Variants in ZFYVE9 observed in about 807,000 individuals in gnomAD.
The protein encoded by ZFYVE9 is zinc finger FYVE domain-containing protein 9.
In ZFYVE9, 43 loss-of-function variants were observed where a neutral mutation model predicts 126.7. The observed-to-expected ratio is 0.34, with a 90% CI of 0.27 to 0.44. The LOEUF (loss-of-function observed/expected upper bound fraction) is 0.44. Ranked by LOEUF, ZFYVE9 falls within the 20% of genes least tolerant of loss-of-function variation. ZFYVE9 has a pLI of 1.00. For missense variants in ZFYVE9, 1,476 were observed against 1,697.0 expected, an observed-to-expected ratio of 0.87 and a Z score of 2.29; for synonymous variants, 521 against 597.4, an observed-to-expected ratio of 0.87 and a Z score of 1.87.
intron 13 of ZFYVE9, among the ~76,000 whole-genome samples, chr1:52,326,746 G>C (rs147632753): frequency 6.7e-6 from 1 of 149,232 alleles, no homozygotes. Flanking sequence ...GCCTGTGCCT[G>C]TAATCCCAGC....
chr1:52,248,547 A>G (rs1385193832), intron 4 of ZFYVE9, among the ~76,000 whole-genome samples: 3 of 152,138 alleles, frequency 2.0e-5, no homozygotes, highest in Non-Finnish European at 1.5e-5. Flanking sequence ...GCATTCCTCA[A>G]TCCAGTCAAG....
chr1:52,291,006 G>A (rs1645914321), intron 10 of ZFYVE9, among the ~76,000 whole-genome samples: 1 of 151,950 alleles, frequency 6.6e-6, no homozygotes, highest in Non-Finnish European at 1.5e-5. Context: ...CATATCTCTG[G>A]GACTCCAAAA....
At chr1:52,235,701 G>A (rs1383262575) in intron 3 of ZFYVE9, among the ~76,000 whole-genome samples, 1 of 151,940 alleles carries the variant, frequency 6.6e-6, no homozygotes, top group Non-Finnish European at 1.5e-5. Context: ...TCTTATATTT[G>A]GGGATATGCT....
chr1:52,334,157 A>G (rs1440231282), intron 14 of ZFYVE9, among the ~76,000 whole-genome samples: 1 of 152,118 alleles, frequency 6.6e-6, no homozygotes, highest in African/African-American at 2.4e-5. Flanking sequence ...TTCAGAATAT[A>G]TTTGATCTAA....
At chr1:52,217,278 G>T (rs1266748821) in intron 2 of ZFYVE9, among the ~76,000 whole-genome samples, 1 of 151,876 alleles carries the variant, frequency 6.6e-6, no homozygotes, top group Non-Finnish European at 1.5e-5. Flanking sequence ...TCCAAACAGG[G>T]TAAATGTGAG....
intron 4 of ZFYVE9, chr1:52,252,750 G>T: frequency 6.4e-6 from 3 of 467,472 alleles, no homozygotes; most frequent in South Asian, 3.3e-5. Flanking sequence ...TGGTCAGTCC[G>T]ACTGCTACCA....
At chr1:52,189,271 C>T (rs1644795200) in intron 1 of ZFYVE9, among the ~76,000 whole-genome samples, 1 of 143,316 alleles carries the variant, frequency 7.0e-6, no homozygotes, top group Non-Finnish European at 1.5e-5. Context: ...GGATCTCACT[C>T]TGTTACCCAG....
intron 13 of ZFYVE9, among the ~76,000 whole-genome samples, chr1:52,320,002 G>A (rs1646223525): frequency 1.5e-5 from 2 of 129,342 alleles, no homozygotes; most frequent in African/African-American, 2.8e-5. Flanking sequence ...ACAGAGAGGG[G>A]GAGATTCTGT....
intron 1 of ZFYVE9, among the ~76,000 whole-genome samples, chr1:52,198,200 C>T (rs910243883): frequency 7.6e-6 from 1 of 131,526 alleles, no homozygotes. Context: ...CGGCTCACTA[C>T]AACCTCTGCC....
rs201220491 is a variant in ZFYVE9 at position 52,284,954 on chromosome 1, A to T, written c.3025+3138A>T. On this transcript the variant is annotated intron_variant, in intron 10 of 18. Coordinates refer to ENST00000287727, the MANE Select transcript of ZFYVE9 (RefSeq NM_004799.4). Reference sequence around the variant, plus strand: ...ACATTTCAAAAGCATAAGTGAGACGAAAGAGTTTTTCCTTGAATAGGAATC... The same window carrying T: ...ACATTTCAAAAGCATAAGTGAGACGTAAGAGTTTTTCCTTGAATAGGAATC... Among the ~76,000 whole-genome samples, 591 of 152,350 alleles carry T rather than the reference A, an allele frequency of 3.9e-3. 10 individuals are homozygous for T. The South Asian group carries it at 0.043, about 11-fold the overall frequency.
intron 4 of ZFYVE9, among the ~76,000 whole-genome samples, chr1:52,258,897 T>C (rs1279306538): frequency 6.8e-5 from 10 of 147,956 alleles, no homozygotes; most frequent in East Asian, 2.0e-4. Context: ...CTTGCTTGCT[T>C]TTTTTTTTTT....
chr1:52,299,051 G>T (rs1022549961), intron 12 of ZFYVE9, among the ~76,000 whole-genome samples: 1 of 151,722 alleles, frequency 6.6e-6, no homozygotes, highest in South Asian at 2.1e-4. Context: ...CTCATGATCC[G>T]CCCGCCTCTG....
intron 11 of ZFYVE9, among the ~76,000 whole-genome samples, chr1:52,295,065 G>A (rs1645959623): frequency 6.6e-6 from 1 of 152,130 alleles, no homozygotes; most frequent in African/African-American, 2.4e-5. Context: ...AAAATTAGCT[G>A]GGTATGGTGG....
rs746160726 is a variant in ZFYVE9 at position 52,238,956 on chromosome 1, A to G, written c.1539A>G (p.Ser513=). 69 of 1,614,030 alleles carry G rather than the reference A, an allele frequency of 4.3e-5. No homozygotes were observed. The highest frequency in any genetic ancestry group is 3.3e-4 in the Middle Eastern group (2 of 6,084). Residue 513 remains serine, a synonymous_variant, in exon 4 of 19, where the codon TCA becomes TCG. Transcript: ENST00000287727. The part of the protein sequence containing the change: ...TEEKEIEESK[S]ECYSNIYEQR... ...AAAAAGAAATAGAGGAAAGCAAGTC[A>G]GAATGCTACTCAAATATTTATGAAC... is the stretch of plus-strand genomic sequence containing the variant.
chr1:52,312,905 G>C (rs1001538472), intron 13 of ZFYVE9, among the ~76,000 whole-genome samples: 2 of 152,208 alleles, frequency 1.3e-5, no homozygotes, highest in African/African-American at 4.8e-5. Context: ...TATTTGGAGA[G>C]AGGGTCTTTA....
intron 12 of ZFYVE9, among the ~76,000 whole-genome samples, chr1:52,298,052 C>T (rs1168126715): frequency 6.6e-6 from 1 of 152,152 alleles, no homozygotes; most frequent in Non-Finnish European, 1.5e-5. Flanking sequence ...TGGATATTAA[C>T]TCCTTTTCAG....
At chr1:52,272,280 A>G (rs576432495) in intron 7 of ZFYVE9, among the ~76,000 whole-genome samples, 2 of 152,388 alleles carry the variant, frequency 1.3e-5, no homozygotes, top group East Asian at 3.9e-4. Context: ...ATACACACAC[A>G]AACACACACA....
At chr1:52,226,310 C>T (rs1048710089) in intron 2 of ZFYVE9, among the ~76,000 whole-genome samples, 1 of 152,170 alleles carries the variant, frequency 6.6e-6, no homozygotes, top group Non-Finnish European at 1.5e-5. Context: ...CTCGACTTCA[C>T]AGACTGCTCT....
At position 52,264,980 on chromosome 1, in the gene ZFYVE9, A is replaced by G. The variant is rs563258446; in HGVS notation, c.2278+1108A>G. On this transcript the variant is annotated intron_variant, in intron 5 of 18. Transcript: ENST00000287727. ...CTGCTGCTTTCATTTTCGGGCACAT[A>G]TTCACAGATAAGAGCATGCTGCTTA... Among the ~76,000 whole-genome samples, 5 of 152,354 alleles carry G rather than the reference A, an allele frequency of 3.3e-5. No individual in the cohort carries two copies. In the East Asian group the frequency reaches 9.6e-4, roughly 29 times the overall value.
Sources: allele counts gnomAD v4.1 joint callset (sites outside exome capture counted in the v4.1 genomes callset), GRCh38; gene constraint gnomAD v4.1.1; transcripts MANE v1.5; gene names NCBI Gene and HGNC (gene_info 2026-07-23, HGNC 2026-07-21).